The following CDH10 variants were observed in gnomAD, a reference collection of about 807,000 sequenced individuals.
CDH10 encodes the protein cadherin 10, also known as cadherin-10.
Under a neutral mutation model 73.1 loss-of-function variants are expected in CDH10, and 30 were observed. That is an observed-to-expected ratio of 0.41 (90% confidence interval 0.31 to 0.56). The LOEUF is 0.56. CDH10 is among the 20% of genes least tolerant of loss of function. The probability of loss-of-function intolerance (pLI) is 0.27; values close to 1 mark genes in which losing one functional copy is unlikely to be tolerated. For synonymous variants in CDH10, 345 were observed against 348.2 expected (o/e 0.99, Z 0.10); for missense variants, 815 against 973.7 (o/e 0.84, Z 2.17).
In CDH10 at chr5:24,535,702, C is replaced by T. The variant is rs771650597; in HGVS notation, c.646+1G>A. 1 of 1,606,990 alleles carries T rather than the reference C, an allele frequency of 6.2e-7. No individual in the cohort carries two copies. The highest frequency in any genetic ancestry group is 1.3e-5 in the African/African-American group (1 of 74,422). On this transcript the variant is annotated splice_donor_variant, in intron 4 of 11. Coordinates refer to ENST00000264463, the MANE Select transcript of CDH10 (RefSeq NM_006727.5). LOFTEE classifies it high-confidence loss of function. ...ACAAACAGCAATTCATGATTCCTGA[C>T]CTGTTTCAGGCTCCACAGAGAAATA...
At chr5:24,536,815 G>T (rs1049466564) in intron 3 of CDH10, among the ~76,000 whole-genome samples, 12 of 151,586 alleles carry the variant, frequency 7.9e-5, no homozygotes, top group South Asian at 6.2e-4. Context: ...TTTTCAACTG[G>T]TTTTTTTCGA....
intron 2 of CDH10, among the ~76,000 whole-genome samples, chr5:24,546,329 C>T (rs73743633): frequency 0.01 from 1,531 of 151,962 alleles, 28 homozygotes; most frequent in African/African-American, 0.035. Flanking sequence ...GTGTTTTCCC[C>T]AATAAAAAAG....
chr5:24,577,077 A>T (rs201653354), intron 2 of CDH10, among the ~76,000 whole-genome samples: 2 of 5,368 alleles, frequency 3.7e-4, no homozygotes, highest in African/African-American at 4.6e-4. Context: ...AAAGTTATTT[A>T]AAAAAAAAAA....
chr5:24,511,445 T>C lies in CDH10; in HGVS notation c.884A>G (p.Asp295Gly), dbSNP rs1234692218. ...GTAIGSVKAT[D>G]ADTGKNAEVE... ...TTCAGCATTTTTCCCAGTGTCAGCA[T>C]CAGTTGCTTTGACACTTCCAATGGC... is the stretch of plus-strand genomic sequence containing the variant. Residue 295 changes from aspartate to glycine, a missense_variant, in exon 6 of 12, where the codon GAT (aspartate) becomes GGT (glycine). By Grantham distance (94) the Asp-to-Gly change is moderately conservative. Transcript: ENST00000264463. The C allele has an allele frequency of 6.2e-7, 1 of 1,609,516 alleles. No individual in the cohort carries two copies.
intron 1 of CDH10, among the ~76,000 whole-genome samples, chr5:24,643,398 C>T (rs1445418890): frequency 6.6e-6 from 1 of 151,904 alleles, no homozygotes; most frequent in African/African-American, 2.4e-5. Flanking sequence ...CACAGAGAAG[C>T]TCTTGTAGCT....
chr5:24,543,368 T>C (rs773635840), intron 2 of CDH10, among the ~76,000 whole-genome samples: 1 of 152,194 alleles, frequency 6.6e-6, no homozygotes, highest in Non-Finnish European at 1.5e-5. Flanking sequence ...GACTAGTTTT[T>C]AGAAAGATAA....
chr5:24,565,140 A>C (rs1745123173), intron 2 of CDH10, among the ~76,000 whole-genome samples: 2 of 151,818 alleles, frequency 1.3e-5, no homozygotes, highest in Non-Finnish European at 2.9e-5. Context: ...TGTATAGGTT[A>C]ATCTTCAATA....
intron 1 of CDH10, among the ~76,000 whole-genome samples, chr5:24,605,252 G>C (rs150737929): frequency 6.6e-6 from 1 of 152,170 alleles, no homozygotes; most frequent in African/African-American, 2.4e-5. Context: ...ATATAGTATA[G>C]GTCTATGACC....
intron 4 of CDH10, 57 bp downstream of exon 4, chr5:24,535,646 A>G (rs1177487231): frequency 6.7e-6 from 10 of 1,500,886 alleles, no homozygotes; most frequent in Non-Finnish European, 9.1e-6. Context: ...TGGTCTTTCT[A>G]CTGATAAAGG....
chr5:24,614,744 T>G (rs1421106995), intron 1 of CDH10, among the ~76,000 whole-genome samples: 1 of 152,190 alleles, frequency 6.6e-6, no homozygotes, highest in African/African-American at 2.4e-5. Context: ...AATTTGATAT[T>G]TGGGAGTATT....
intron 5 of CDH10, among the ~76,000 whole-genome samples, chr5:24,511,932 A>T (rs1349085202): frequency 6.6e-6 from 1 of 152,158 alleles, no homozygotes; most frequent in Non-Finnish European, 1.5e-5. Context: ...GAGCTAAATG[A>T]TGAGAACTCA....
intron 1 of CDH10, among the ~76,000 whole-genome samples, chr5:24,608,674 C>T (rs1010008392): frequency 6.6e-6 from 1 of 152,134 alleles, no homozygotes; most frequent in Admixed American, 6.5e-5. Flanking sequence ...AGTGAAAACA[C>T]ATTTAAAAAT....
chr5:24,525,726 A>G (rs954028732), intron 5 of CDH10, among the ~76,000 whole-genome samples: 4 of 152,048 alleles, frequency 2.6e-5, no homozygotes, highest in Non-Finnish European at 4.4e-5. Context: ...ATTTGTGAGC[A>G]CTGGAGATAC....
At chr5:24,630,527 C>A (rs2112194278) in intron 1 of CDH10, among the ~76,000 whole-genome samples, 1 of 145,304 alleles carries the variant, frequency 6.9e-6, no homozygotes, top group African/African-American at 2.5e-5. Context: ...CACTCCAGCC[C>A]TGGTGACAAA....
At chr5:24,540,312 T>C (rs115759299) in intron 2 of CDH10, among the ~76,000 whole-genome samples, 1 of 152,040 alleles carries the variant, frequency 6.6e-6, no homozygotes, top group African/African-American at 2.4e-5. Flanking sequence ...TGAAGAAGGA[T>C]CTAAGGCAAG....
chr5:24,642,812 T>C (rs1579499175), intron 1 of CDH10, among the ~76,000 whole-genome samples: 2 of 152,094 alleles, frequency 1.3e-5, no homozygotes, highest in South Asian at 4.2e-4. Flanking sequence ...TTGTTGTTTT[T>C]TTTCCCCCAA....
chr5:24,638,627 A>T (rs1747945644), intron 1 of CDH10, among the ~76,000 whole-genome samples: 1 of 151,834 alleles, frequency 6.6e-6, no homozygotes, highest in Non-Finnish European at 1.5e-5. Context: ...CAGGCAGAAT[A>T]AATCTGCATG....
chr5:24,563,809 A>G (rs1010050538), intron 2 of CDH10, among the ~76,000 whole-genome samples: 3 of 151,070 alleles, frequency 2.0e-5, no homozygotes, highest in African/African-American at 7.3e-5. Context: ...AGAGAAAAAA[A>G]CTATGTAAAT....
chr5:24,508,484 T>G (rs986981814), intron 7 of CDH10, among the ~76,000 whole-genome samples: 4 of 152,204 alleles, frequency 2.6e-5, no homozygotes, highest in Non-Finnish European at 4.4e-5. Context: ...TAGGGGAGTT[T>G]CTAAAATCAT....
Sources: allele counts gnomAD v4.1 joint callset (sites outside exome capture counted in the v4.1 genomes callset), GRCh38; gene constraint gnomAD v4.1.1; transcripts MANE v1.5; gene names NCBI Gene and HGNC (gene_info 2026-07-23, HGNC 2026-07-21).